Variants in OSGEP observed in about 807,000 individuals in gnomAD.
The protein encoded by OSGEP is tRNA N6-adenosine threonylcarbamoyltransferase.
In OSGEP, 39 loss-of-function variants were observed where a neutral mutation model predicts 44.1. That is an observed-to-expected ratio of 0.88 (90% CI 0.69 to 1.16). OSGEP has a LOEUF of 1.16. Among genes scored for constraint, OSGEP ranks in the 50% most tolerant of loss-of-function variants. OSGEP has a pLI of 0.00. For missense variants in OSGEP, 403 were observed against 443.1 expected (o/e 0.91, Z 0.81); for synonymous variants, 139 against 161.9 (o/e 0.86, Z 1.07).
Position 20,449,191 on chromosome 14 carries a change from G to C in OSGEP, c.487C>G (p.Arg163Gly). The change falls in exon 4 of 11, where the codon CGT becomes GGT. Residue 163 changes from arginine to glycine, a missense_variant. Arg to Gly is a moderately radical substitution (Grantham distance 125). Coordinates refer to ENST00000206542, the MANE Select transcript of OSGEP (RefSeq NM_017807.4). Reference protein sequence around the residue: ...IDIAVGNCLDRFARVLKISND... With the variant: ...IDIAVGNCLDGFARVLKISND... The stretch of plus-strand genomic sequence containing the variant: ...CTTACCTTCAGCACTCGAGCAAAAC[G>C]ATCCAGACAATTACCCACTGCAATA... 6.2e-7 allele frequency: 1 copy of C among 1,612,112 alleles called. No homozygotes were observed.
Position 20,452,126 on chromosome 14 carries a change from C to T in OSGEP, c.259G>A (p.Val87Ile), listed in dbSNP as rs1405538701. The change falls in exon 3 of 11, where the codon GTT becomes ATT. Residue 87 changes from valine (V) to isoleucine (I), a missense_variant. Physicochemically the swap from Val to Ile is conservative, Grantham distance 29. Coordinates refer to ENST00000206542, the MANE Select transcript of OSGEP (RefSeq NM_017807.4). ...TKGPGMGAPL[V>I]SVAVVARTVA... is the part of the protein sequence containing the mutation. ...GTACGGGCCACAACAGCCACAGAAACCAGTGGGGCACCCATGCCAGGGCCT... is the reference window on the plus strand; with the variant it reads ...GTACGGGCCACAACAGCCACAGAAATCAGTGGGGCACCCATGCCAGGGCCT... 1.2e-6 allele frequency: 2 copies of T among 1,611,896 alleles called. No homozygotes were observed. Among genetic ancestry groups the T allele is most frequent in the South Asian group, 1.1e-5 (1 of 90,706 alleles).
rs1051616358 is a variant in OSGEP, at chr14:20,448,261, T to C, written c.637-90A>G. 11 of 1,011,424 alleles carry C rather than the reference T, an allele frequency of 1.1e-5. No homozygotes were observed. In the African/African-American group the frequency reaches 1.3e-4, roughly 12 times the overall value. The allele number at this position is 1,011,424 out of a possible 1,614,324, so 62.7% of individuals were successfully genotyped here. On this transcript the variant is annotated intron_variant, in intron 6 of 10. Coordinates refer to ENST00000206542, the MANE Select transcript of OSGEP (RefSeq NM_017807.4). ...AATTAATGCATTCGGAGGGTCATCATGTTTCACCACAATTCAAGTTACCAG... is the reference window on the plus strand; with the variant it reads ...AATTAATGCATTCGGAGGGTCATCACGTTTCACCACAATTCAAGTTACCAG...
intron 6 of OSGEP, 37 bp from the exon 7 acceptor site, chr14:20,448,208 C>T (rs752621277): frequency 6.3e-7 from 1 of 1,578,532 alleles, no homozygotes; most frequent in East Asian, 2.2e-5. Context: ...ATCAACAAAT[C>T]ATGGTTTTGG....
At chr14:20,448,208 C>A in intron 6 of OSGEP, 37 bp from the exon 7 acceptor site, 1 of 1,578,532 alleles carries the variant, frequency 6.3e-7, no homozygotes, top group South Asian at 1.1e-5. Flanking sequence ...ATCAACAAAT[C>A]ATGGTTTTGG....
Position 20,446,988 on chromosome 14 carries a change from A to G in OSGEP, c.*252T>C. On this transcript the variant is annotated 3_prime_UTR_variant, in exon 11 of 11. Coordinates refer to ENST00000206542, the MANE Select transcript of OSGEP (RefSeq NM_017807.4). ...CCTCATTCTTGGTTCCACAGCAGCA[A>G]GCTCCAACAAGAATTTATCCAGCAC... 1 of 439,218 alleles carries G rather than the reference A, an allele frequency of 2.3e-6. No individual in the cohort carries two copies. The highest frequency in any genetic ancestry group is 4.0e-6 in the Non-Finnish European group (1 of 247,630). 27.2% of individuals were successfully genotyped at this position (439,218 alleles called of 1,614,324 possible). A position where few individuals can be genotyped will look rare whatever the true frequency, so the allele number is the denominator to read the frequency against.
In OSGEP at chr14:20,448,665, G is replaced by A. The variant is rs958551907; in HGVS notation, c.636+68C>T. On this transcript the variant is annotated intron_variant, in intron 6 of 10. Transcript: ENST00000206542. ...ATACTGAGCTATACGAAATATAATC[G>A]TAAGTAAAACAGATATGCTTCATTT... 27 of 1,108,068 alleles carry A rather than the reference G, an allele frequency of 2.4e-5. No individual in the cohort carries two copies. In the South Asian group the frequency reaches 2.5e-4, roughly 10 times the overall value. The allele number at this position is 1,108,068 out of a possible 1,614,324, so 68.6% of individuals were successfully genotyped here.
At position 20,448,123 on chromosome 14, in the gene OSGEP, G is replaced by T. The variant is rs540922409; in HGVS notation, c.685C>A (p.Leu229Met). The change falls in exon 7 of 11, where the codon CTG becomes ATG. Residue 229 changes from leucine to methionine, a missense_variant. By Grantham distance (15) the Leu-to-Met change is conservative (BLOSUM62 2). Coordinates refer to ENST00000206542, the MANE Select transcript of OSGEP (RefSeq NM_017807.4). ...TGCATTACCTGCAGGGAGAAACACA[G>T]ATCCTCAGGAGTACACTCGCCTGTG... is the stretch of plus-strand genomic sequence containing the variant. ...LATGECTPED[L>M]CFSLQETVFA... 1.7e-5 allele frequency: 28 copies of T among 1,613,338 alleles called. No homozygotes were observed. Among genetic ancestry groups the T allele is most frequent in the Admixed American group, 3.3e-5 (2 of 60,002 alleles).
rs769785703 is a variant in OSGEP, at chr14:20,449,257, A to G, written c.421T>C (p.Tyr141His). 1.2e-6 allele frequency: 2 copies of G among 1,602,364 alleles called. No individual in the cohort carries two copies. Among genetic ancestry groups the G allele is most frequent in the Non-Finnish European group, 8.6e-7 (1 of 1,169,306 alleles). Residue 141 changes from tyrosine to histidine, a missense_variant, in exon 4 of 11, where the codon TAC becomes CAC. Transcript: ENST00000206542. ...VSGGNTQVIAYSEHRYRIFGE... is the reference protein window; with the variant it reads ...VSGGNTQVIAHSEHRYRIFGE... ...AAGATACGGTAACGATGTTCCGAGT[A>G]TGCAATCACCTAAGGGTGATGAGGA...
At chr14:20,452,306 G>A (rs748289449) in intron 2 of OSGEP, 23 bp downstream of exon 2, 7 of 1,612,494 alleles carry the variant, frequency 4.3e-6, no homozygotes, top group East Asian at 2.2e-5. Context: ...TTCCTCCATC[G>A]TTGACCACTC....
chr14:20,452,080 T>G lies in OSGEP; in HGVS notation c.305A>C (p.Lys102Thr). Residue 102 changes from lysine to threonine, a missense_variant, in exon 3 of 11, where the codon AAG (lysine) becomes ACG (threonine). Physicochemically the swap from Lys to Thr is moderately conservative, Grantham distance 78. Coordinates refer to ENST00000206542, the MANE Select transcript of OSGEP (RefSeq NM_017807.4). ...ACAGTGGTTCACACCCACCAATGGC[T>G]TATTCCACAGTTGGGCCACAGTACG... ...VARTVAQLWN[K>T]PLVGVNHCIG... 1 of 1,613,964 alleles carries G rather than the reference T, an allele frequency of 6.2e-7. No homozygotes were observed. Among genetic ancestry groups the G allele is most frequent in the Non-Finnish European group, 8.5e-7 (1 of 1,180,006 alleles).
chr14:20,454,687 G>A lies in OSGEP; in HGVS notation c.-4C>T, dbSNP rs1296500633. ...CAAAACCCAGCACCGCCGGCATGGC[G>A]GAGGCTGGGAGAAAACGCCGACAGG... On this transcript the variant is annotated 5_prime_UTR_variant, in exon 1 of 11. Coordinates refer to ENST00000206542, the MANE Select transcript of OSGEP (RefSeq NM_017807.4). The A allele has an allele frequency of 1.1e-5, 17 of 1,607,742 alleles. No homozygotes were observed. The highest frequency in any genetic ancestry group is 1.4e-5 in the Non-Finnish European group (16 of 1,175,214).
chr14:20,449,101 C>G, intron 4 of OSGEP, 70 bp downstream of exon 4: 6 of 1,479,852 alleles, frequency 4.1e-6, no homozygotes, highest in Non-Finnish European at 5.7e-6. Context: ...TTACTATTTC[C>G]TCCCTCCACC....
intron 2 of OSGEP, 69 bp from the exon 3 acceptor site, chr14:20,452,218 A>T: frequency 6.3e-7 from 1 of 1,581,124 alleles, no homozygotes. Flanking sequence ...GACATAAGGG[A>T]TGTGAGGTGG....
chr14:20,454,581 G>T lies in OSGEP; in HGVS notation c.103C>A (p.Pro35Thr). 1 of 1,612,440 alleles carries T rather than the reference G, an allele frequency of 6.2e-7. No homozygotes were observed. ...LANPRRTYVT[P>T]PGTGFLPGDT... ...CCTACTCACCAACCTGTGCCAGGAGGCGTGACGTAAGTCCGCCGCGGGTTC... is the reference window on the plus strand; with the variant it reads ...CCTACTCACCAACCTGTGCCAGGAGTCGTGACGTAAGTCCGCCGCGGGTTC... The change falls in exon 1 of 11, where the codon CCT becomes ACT. Residue 35 changes from proline to threonine, a missense_variant. Transcript: ENST00000206542.
chr14:20,449,262 A>G lies in OSGEP; in HGVS notation c.416T>C (p.Ile139Thr), dbSNP rs1334263407. ...ACGGTAACGATGTTCCGAGTATGCA[A>G]TCACCTAAGGGTGATGAGGAAGTCC... The part of the protein sequence containing the change: ...LYVSGGNTQV[I>T]AYSEHRYRIF... The change falls in exon 4 of 11, where the codon ATT (isoleucine) becomes ACT (threonine). Residue 139 changes from isoleucine to threonine, a missense_variant. Transcript: ENST00000206542. 6.3e-7 allele frequency: 1 copy of G among 1,596,786 alleles called. No individual in the cohort carries two copies.
rs751549156 is a variant in OSGEP at position 20,454,527 on chromosome 14, G to A, written c.115+42C>T. 4 of 1,291,576 alleles carry A rather than the reference G, an allele frequency of 3.1e-6. No homozygotes were observed. In the South Asian group the frequency reaches 4.7e-5, roughly 15 times the overall value. The allele number at this position is 1,291,576 out of a possible 1,614,324, so 80.0% of individuals were successfully genotyped here. A position where few individuals can be genotyped will look rare whatever the true frequency, so the allele number is the denominator to read the frequency against. On this transcript the variant is annotated intron_variant, in intron 1 of 10. Coordinates refer to ENST00000206542, the MANE Select transcript of OSGEP (RefSeq NM_017807.4). The stretch of plus-strand genomic sequence containing the variant: ...GGAAGATGGAAGGCTGATTCTGTGC[G>A]GGGAAGTGCGCGGAAAACTCTTAAG...
rs1880984388 is a variant in OSGEP, at chr14:20,447,720, T to TA, written c.794-31dup. On this transcript the variant is annotated intron_variant, in intron 8 of 10. Coordinates refer to ENST00000206542, the MANE Select transcript of OSGEP (RefSeq NM_017807.4). ...AAAGAGGCAGGGAACAGGATTAGCT[T>TA]AGTTTTAGCCATCTCTTCATGGTCC... The TA allele has an allele frequency of 2.6e-6, 4 of 1,566,812 alleles. No individual in the cohort carries two copies. The East Asian group carries it at 9.0e-5, about 35-fold the overall frequency.
chr14:20,450,824 A>G (rs1881076406), intron 3 of OSGEP: 1 of 152,188 alleles, frequency 6.6e-6, no homozygotes, highest in African/African-American at 2.4e-5. Flanking sequence ...AATTTAAAAT[A>G]CCTTCTGGCC....
Position 20,451,383 on chromosome 14 carries a change from C to G in OSGEP, c.411+591G>C, listed in dbSNP as rs544966706. On this transcript the variant is annotated intron_variant, in intron 3 of 10. Coordinates refer to ENST00000206542, the MANE Select transcript of OSGEP (RefSeq NM_017807.4). ...ATGCAATGGTGCGATCTCGGTTCAC[C>G]GCAACTTCCGCCTCCTGGGTTCAAG... The G allele has an allele frequency of 2.0e-4, 47 of 230,944 alleles. No homozygotes were observed. In the Admixed American group the frequency reaches 2.6e-3, roughly 13 times the overall value. 14.3% of individuals were successfully genotyped at this position (230,944 alleles called of 1,614,324 possible).
Sources: gnomAD v4.1 joint callset for allele counts on GRCh38, gnomAD v4.1.1 for gene constraint, MANE v1.5 for transcripts, NCBI Gene and HGNC (gene_info 2026-07-23, HGNC 2026-07-21) for gene names.